Variants in PRMT8 observed in about 807,000 individuals in gnomAD.
PRMT8 encodes the protein protein arginine methyltransferase 8.
PRMT8 carries 7 observed loss-of-function variants against 47.1 expected under a neutral mutation model. The observed-to-expected ratio is 0.15, with a 90% CI of 0.08 to 0.28. The LOEUF (loss-of-function observed/expected upper bound fraction) is 0.28. Ranked by LOEUF, PRMT8 falls within the 10% of genes least tolerant of loss-of-function variation. PRMT8 has a pLI of 1.00. For synonymous variants in PRMT8, 188 were observed against 186.5 expected (o/e 1.01, Z -0.07); for missense variants, 237 against 505.4 (o/e 0.47, Z 5.09).
intron 4 of PRMT8, among the ~76,000 whole-genome samples, chr12:3,554,819 G>A (rs1482763312): frequency 1.3e-5 from 2 of 152,190 alleles, no homozygotes; most frequent in Non-Finnish European, 2.9e-5. Context: ...TGTGCTGTGC[G>A]ACCCTTTGCT....
rs1199471938 is a variant in PRMT8 at position 3,576,749 on chromosome 12, C to T, written c.713-122C>T. On this transcript the variant is annotated intron_variant, in intron 6 of 9. Coordinates refer to ENST00000382622, the MANE Select transcript of PRMT8 (RefSeq NM_019854.5). The surrounding 1 kb of genome is among the most constrained non-coding windows in gnomAD (Gnocchi z 4.0). ...CAGGTGAGCAGTTCTGCCTCTATTT[C>T]GATGCAAGGGAACTCGAGCTGCCAC... 15 of 723,134 alleles carry T rather than the reference C, an allele frequency of 2.1e-5. No individual in the cohort carries two copies. Among genetic ancestry groups the T allele is most frequent in the Admixed American group, 1.5e-4 (7 of 45,758 alleles). The allele number at this position is 723,134 out of a possible 1,614,324, so 44.8% of individuals were successfully genotyped here.
intron 1 of PRMT8, among the ~76,000 whole-genome samples, chr12:3,539,497 A>G (rs1866181260): frequency 6.6e-6 from 1 of 152,112 alleles, no homozygotes; most frequent in East Asian, 1.9e-4. Context: ...ACTACTAGAT[A>G]ATACTCCTTT....
chr12:3,530,088 G>T (rs1866006431), intron 1 of PRMT8, among the ~76,000 whole-genome samples: 1 of 152,098 alleles, frequency 6.6e-6, no homozygotes, highest in South Asian at 2.1e-4. Context: ...ACACTTCTTG[G>T]TAAAGACATT....
intron 1 of PRMT8, among the ~76,000 whole-genome samples, chr12:3,404,501 ATC>A (rs1336961934): frequency 1.3e-5 from 2 of 152,220 alleles, no homozygotes; most frequent in Non-Finnish European, 2.9e-5. Flanking sequence ...AGAGAATATC[ATC>A]TGTACCCCAG....
intron 1 of PRMT8, among the ~76,000 whole-genome samples, chr12:3,531,000 C>T (rs938094381): frequency 4.6e-5 from 7 of 152,156 alleles, no homozygotes; most frequent in African/African-American, 1.4e-4. Flanking sequence ...AGAAGCAAGT[C>T]CAGAACCCAC....
intron 1 of PRMT8, among the ~76,000 whole-genome samples, chr12:3,403,364 G>A (rs1864337712): frequency 6.6e-6 from 1 of 151,998 alleles, no homozygotes; most frequent in South Asian, 2.1e-4. Flanking sequence ...AATGGATGCT[G>A]GGCTTAATAC....
upstream of PRMT8, among the ~76,000 whole-genome samples, chr12:3,489,829 ACACACG>A (rs71061118): frequency 0.13 from 17,769 of 132,206 alleles, 1,058 homozygotes; most frequent in Middle Eastern, 0.3. Context: ...ACACACACAC[ACACACG>A]CGCGCACACA....
chr12:3,541,527 C>G (rs1185867289), intron 2 of PRMT8, among the ~76,000 whole-genome samples: 1 of 152,198 alleles, frequency 6.6e-6, no homozygotes, highest in Admixed American at 6.5e-5. Context: ...GCACATTATA[C>G]GTATCATTTC....
chr12:3,443,469 AT>A (rs1415621192), intron 1 of PRMT8, among the ~76,000 whole-genome samples: 1 of 152,148 alleles, frequency 6.6e-6, no homozygotes, highest in African/African-American at 2.4e-5. Context: ...CTCACATCCA[AT>A]TCACCATAAA....
chr12:3,582,740 C>G (rs1356665399), intron 7 of PRMT8, among the ~76,000 whole-genome samples: 1 of 152,150 alleles, frequency 6.6e-6, no homozygotes, highest in African/African-American at 2.4e-5. Flanking sequence ...GATGCATTGT[C>G]TAATTAACCC....
intron 8 of PRMT8, among the ~76,000 whole-genome samples, chr12:3,587,318 AAATT>A (rs1396308974): frequency 2.7e-5 from 4 of 150,534 alleles, no homozygotes; most frequent in East Asian, 1.9e-4. Context: ...CTAACAAAAT[AAATT>A]AATAAATACT....
At chr12:3,571,753 A>G (rs1219562655) in intron 6 of PRMT8, among the ~76,000 whole-genome samples, 1 of 152,262 alleles carries the variant, frequency 6.6e-6, no homozygotes, top group African/African-American at 2.4e-5. Context: ...TTTAAAATAC[A>G]TTTTCTATTT....
chr12:3,483,443 C>A (rs918466903), intron 1 of PRMT8, among the ~76,000 whole-genome samples: 2 of 129,100 alleles, frequency 1.5e-5, no homozygotes, highest in Non-Finnish European at 3.2e-5. Flanking sequence ...GTCACTTAAC[C>A]ATGATAGTTT....
chr12:3,398,270 C>T (rs1400708661), intron 1 of PRMT8, among the ~76,000 whole-genome samples: 1 of 152,054 alleles, frequency 6.6e-6, no homozygotes, highest in Non-Finnish European at 1.5e-5. Context: ...ATGGGGGGGC[C>T]TTTGCAGGAT....
intron 1 of PRMT8, 45 bp from the exon 2 acceptor site, chr12:3,540,561 C>A: frequency 7.5e-7 from 1 of 1,328,594 alleles, no homozygotes; most frequent in Non-Finnish European, 1.1e-6. Context: ...GAGGGCGGGA[C>A]CCCGTTGTCT....
chr12:3,384,765 C>T (rs1401640629), intron 1 of PRMT8, among the ~76,000 whole-genome samples: 1 of 152,202 alleles, frequency 6.6e-6, no homozygotes, highest in East Asian at 1.9e-4. Flanking sequence ...GGAGTGGAGT[C>T]CCATGAATAG....
At chr12:3,469,256 CT>C in intron 1 of PRMT8, 2 of 434,700 alleles carry the variant, frequency 4.6e-6, no homozygotes, top group East Asian at 6.7e-5. Flanking sequence ...TGATTTAGAC[CT>C]TCACGTGCTG....
At chr12:3,559,550 C>T (rs942464577) in intron 4 of PRMT8, among the ~76,000 whole-genome samples, 2 of 152,186 alleles carry the variant, frequency 1.3e-5, no homozygotes, top group African/African-American at 2.4e-5. Flanking sequence ...TAACCAATAC[C>T]ATGGAGTTTC....
At chr12:3,518,409 TA>T (rs1555088238) in intron 1 of PRMT8, among the ~76,000 whole-genome samples, 1 of 148,870 alleles carries the variant, frequency 6.7e-6, no homozygotes, top group African/African-American at 2.5e-5. Flanking sequence ...TTTTTTTTTT[TA>T]AAAAAAAGGC....
Sources: allele counts gnomAD v4.1 joint callset (sites outside exome capture counted in the v4.1 genomes callset), GRCh38; gene constraint gnomAD v4.1.1; non-coding constraint Gnocchi (gnomAD v3.1); transcripts MANE v1.5; gene names NCBI Gene and HGNC (gene_info 2026-07-23, HGNC 2026-07-21).